WDR76: variants seen among roughly 807,000 people sequenced by gnomAD.
WDR76 encodes the protein WD repeat-containing protein 76.
In WDR76, 52 loss-of-function variants were observed where a neutral mutation model predicts 70.2. That is an observed-to-expected ratio of 0.74 (90% CI 0.59 to 0.93). The LOEUF (loss-of-function observed/expected upper bound fraction) is 0.93, where lower values mean the gene tolerates loss of function less well. Ranked by LOEUF, WDR76 falls within the 40% of genes least tolerant of loss-of-function variation. The probability of loss-of-function intolerance (pLI) is 0.00; values close to 1 mark genes in which losing one functional copy is unlikely to be tolerated. For missense variants in WDR76, 756 were observed against 760.2 expected, an observed-to-expected ratio of 0.99 and a Z score of 0.07; for synonymous variants, 292 against 271.1, an observed-to-expected ratio of 1.08 and a Z score of -0.76.
chr15:43,865,826 G>A (rs2088063190), intron 12 of WDR76, among the ~76,000 whole-genome samples: 1 of 152,214 alleles, frequency 6.6e-6, no homozygotes, highest in Admixed American at 6.5e-5. Flanking sequence ...TAATGAAAAA[G>A]GATTGTTAGT....
intron 3 of WDR76, among the ~76,000 whole-genome samples, chr15:43,835,912 C>T (rs1294677457): frequency 2.6e-5 from 4 of 151,354 alleles, no homozygotes; most frequent in Non-Finnish European, 2.9e-5. Flanking sequence ...TTGCCTTGAC[C>T]TCCCAAAGTG....
chr15:43,853,669 G>A (rs2087891029), intron 9 of WDR76, among the ~76,000 whole-genome samples: 1 of 152,046 alleles, frequency 6.6e-6, no homozygotes, highest in Non-Finnish European at 1.5e-5. Flanking sequence ...ACTTTGGGAG[G>A]CTGAGGCGGG....
At chr15:43,865,670 C>T (rs2140315968) in intron 12 of WDR76, among the ~76,000 whole-genome samples, 1 of 152,302 alleles carries the variant, frequency 6.6e-6, no homozygotes, top group South Asian at 2.1e-4. Flanking sequence ...TCCCAAAGTG[C>T]TGGGATGACA....
chr15:43,839,661 A>C lies in WDR76; in HGVS notation c.665A>C (p.Lys222Thr), dbSNP rs1567184596. Residue 222 changes from lysine (K) to threonine (T), a missense_variant, in exon 5 of 13, where the codon AAA becomes ACA. Lys to Thr is a moderately conservative substitution (Grantham distance 78, BLOSUM62 -1). Coordinates refer to ENST00000263795, the MANE Select transcript of WDR76 (RefSeq NM_024908.4). ...TGTAGAAGGTCAATGCGATTACTAA[A>C]AGTTGATCCTTCGGGAGTTTCATTA... ...IGCRRSMRLL[K>T]VDPSGVSLPA... is the part of the protein sequence containing the mutation. 6.2e-7 allele frequency: 1 copy of C among 1,612,902 alleles called. No homozygotes were observed. The highest frequency in any genetic ancestry group is 8.5e-7 in the Non-Finnish European group (1 of 1,179,240).
chr15:43,846,280 C>CT (rs36022657), intron 8 of WDR76, among the ~76,000 whole-genome samples: 62 of 139,160 alleles, frequency 4.5e-4, no homozygotes, highest in Middle Eastern at 3.6e-3. Context: ...TGGATAGAGA[C>CT]TTTTTTTTTT....
intron 9 of WDR76, among the ~76,000 whole-genome samples, chr15:43,853,906 AAAAAAAAAAC>A (rs1403043063): frequency 1.1e-4 from 16 of 151,648 alleles, no homozygotes; most frequent in African/African-American, 2.9e-4. Context: ...ACTGTCTCAA[AAAAAAAAAAC>A]AAAAAAAAAC....
chr15:43,858,938 T>C (rs1315447611), intron 11 of WDR76, 115 bp downstream of exon 11: 5 of 1,322,162 alleles, frequency 3.8e-6, no homozygotes, highest in Admixed American at 4.7e-5. Flanking sequence ...AGTGTTATTG[T>C]TTAGTAGTCA....
At chr15:43,865,422 G>A (rs2088058435) in intron 12 of WDR76, among the ~76,000 whole-genome samples, 2 of 152,234 alleles carry the variant, frequency 1.3e-5, no homozygotes, top group East Asian at 1.9e-4. Context: ...ACAGGCACCC[G>A]CCACCATGGC....
At chr15:43,827,234 C>G in intron 1 of WDR76, 142 bp downstream of exon 1, 1 of 945,010 alleles carries the variant, frequency 1.1e-6, no homozygotes, top group South Asian at 1.6e-5. Context: ...TCAGCTTTGA[C>G]GAAAGGTTCT....
Position 43,857,086 on chromosome 15 carries a change from C to A in WDR76, c.1332C>A (p.Thr444=), listed in dbSNP as rs958133349. Residue 444 remains threonine, a synonymous_variant, in exon 10 of 13, where the codon ACC becomes ACA. Coordinates refer to ENST00000263795, the MANE Select transcript of WDR76 (RefSeq NM_024908.4). ...CTGGAACTTCTTATGAGAAACTTAC[C>A]AGTTCTTCTATGGGAAAAATAAGAA... is the stretch of plus-strand genomic sequence containing the variant. ...RTPGTSYEKL[T]SSSMGKIRTV... is the part of the protein sequence containing the mutation. 1 of 1,613,920 alleles carries A rather than the reference C, an allele frequency of 6.2e-7. No homozygotes were observed. The highest frequency in any genetic ancestry group is 1.3e-5 in the African/African-American group (1 of 74,892).
chr15:43,846,766 G>A (rs985678432), intron 8 of WDR76, among the ~76,000 whole-genome samples: 1 of 151,644 alleles, frequency 6.6e-6, no homozygotes, highest in Admixed American at 6.6e-5. Context: ...TCACACCTGT[G>A]ATCCCAGCAC....
intron 2 of WDR76, among the ~76,000 whole-genome samples, chr15:43,828,923 G>C (rs2087552084): frequency 6.9e-6 from 1 of 144,094 alleles, no homozygotes; most frequent in Non-Finnish European, 1.5e-5. Flanking sequence ...TTTTTTTGGA[G>C]ACAGAGTCTC....
chr15:43,837,042 CA>C (rs541159343), intron 4 of WDR76, among the ~76,000 whole-genome samples: 104 of 58,294 alleles, frequency 1.8e-3, no homozygotes, highest in Admixed American at 1.9e-3. Flanking sequence ...CTCCATCTCA[CA>C]AAAAAAAAAA....
At chr15:43,829,552 G>A (rs2087561242) in intron 2 of WDR76, among the ~76,000 whole-genome samples, 1 of 132,708 alleles carries the variant, frequency 7.5e-6, no homozygotes, top group African/African-American at 2.8e-5. Flanking sequence ...TGTTGCCCAG[G>A]ATGGAGCGCA....
chr15:43,839,563 T>C (rs2087697148), intron 4 of WDR76, 42 bp from the exon 5 acceptor site: 3 of 1,567,760 alleles, frequency 1.9e-6, no homozygotes, highest in Non-Finnish European at 2.6e-6. Context: ...ATACATTTTA[T>C]TGTTTTGTGA....
rs968176125 is a variant in WDR76 at position 43,858,697 on chromosome 15, G to A, written c.1436G>A (p.Arg479Gln). The change falls in exon 11 of 13, where the codon CGA becomes CAA. Residue 479 changes from arginine to glutamine, a missense_variant. Coordinates refer to ENST00000263795, the MANE Select transcript of WDR76 (RefSeq NM_024908.4). ...LRDTHIYDAR[R>Q]LNSRRSQPLI... ...GATACTCATATTTATGATGCAAGGCGATTGAATTCCAGGAGAAGTCAGCCT... is the reference window on the plus strand; with the variant it reads ...GATACTCATATTTATGATGCAAGGCAATTGAATTCCAGGAGAAGTCAGCCT... The A allele has an allele frequency of 1.9e-6, 3 of 1,613,918 alleles. No individual in the cohort carries two copies. Among genetic ancestry groups the A allele is most frequent in the East Asian group, 2.2e-5 (1 of 44,892 alleles).
chr15:43,833,894 C>G (rs2087623036), intron 2 of WDR76, among the ~76,000 whole-genome samples: 1 of 152,150 alleles, frequency 6.6e-6, no homozygotes. Context: ...CTCGGCCTCT[C>G]AAAGTGCTAG....
rs531151598 is a variant in WDR76, at chr15:43,863,429, A to G, written c.1616+2043A>G. 2.2e-4 allele frequency among the ~76,000 whole-genome samples: 33 copies of G among 152,210 alleles called. No homozygotes were observed. The South Asian group carries it at 6.4e-3, about 30-fold the overall frequency. ...AGAATATAATATATTGTTATTGACT[A>G]TAGTCATCCTGATGTACAATAGACC... is the stretch of plus-strand genomic sequence containing the variant. On this transcript the variant is annotated intron_variant, in intron 12 of 12. Coordinates refer to ENST00000263795, the MANE Select transcript of WDR76 (RefSeq NM_024908.4).
chr15:43,847,564 G>T (rs906919917), intron 8 of WDR76, among the ~76,000 whole-genome samples: 3 of 152,138 alleles, frequency 2.0e-5, no homozygotes, highest in African/African-American at 7.2e-5. Context: ...GGGATTACAG[G>T]CGTCCGCTAC....
Sources: gnomAD v4.1 joint callset for allele counts (sites outside exome capture counted in the v4.1 genomes callset) on GRCh38, gnomAD v4.1.1 for gene constraint, MANE v1.5 for transcripts, NCBI Gene and HGNC (gene_info 2026-07-23, HGNC 2026-07-21) for gene names.